LRRC4C: variants seen among roughly 807,000 people sequenced by gnomAD.
LRRC4C encodes the protein leucine-rich repeat-containing protein 4C.
LRRC4C carries 5 observed loss-of-function variants against 33.6 expected under a neutral mutation model. The observed-to-expected ratio is 0.15, with a 90% confidence interval of 0.08 to 0.31. LRRC4C has a LOEUF of 0.31. Among genes scored for constraint, LRRC4C ranks in the 10% least tolerant of loss-of-function variants. The probability of loss-of-function intolerance (pLI) is 1.00; values close to 1 mark genes in which losing one functional copy is unlikely to be tolerated. For synonymous variants in LRRC4C, 329 were observed against 302.0 expected, an observed-to-expected ratio of 1.09 and a Z score of -0.93; for missense variants, 560 against 796.7, an observed-to-expected ratio of 0.70 and a Z score of 3.58.
intron 6 of LRRC4C, among the ~76,000 whole-genome samples, chr11:40,120,648 C>G (rs999457223): frequency 6.6e-6 from 1 of 152,124 alleles, no homozygotes; most frequent in Non-Finnish European, 1.5e-5. Context: ...TTCTCCCATT[C>G]CCTACCCCAT....
chr11:41,211,181 G>T (rs1021269), intron 1 of LRRC4C, among the ~76,000 whole-genome samples: 1 of 152,100 alleles, frequency 6.6e-6, no homozygotes, highest in African/African-American at 2.4e-5. Context: ...ACTGGAGATG[G>T]TATTCTAATA....
intron 1 of LRRC4C, among the ~76,000 whole-genome samples, chr11:41,370,137 A>G (rs1952689837): frequency 6.6e-6 from 1 of 152,142 alleles, no homozygotes; most frequent in South Asian, 2.1e-4. Context: ...CTCATCTGGT[A>G]TAATTTTGAA....
At chr11:40,889,100 T>C (rs1271586307) in intron 2 of LRRC4C, among the ~76,000 whole-genome samples, 1 of 152,024 alleles carries the variant, frequency 6.6e-6, no homozygotes, top group Non-Finnish European at 1.5e-5. Flanking sequence ...GCTAATAAAA[T>C]AATTTAGAAT....
chr11:40,245,421 A>G (rs1866253312), intron 4 of LRRC4C, among the ~76,000 whole-genome samples: 1 of 152,182 alleles, frequency 6.6e-6, no homozygotes, highest in Non-Finnish European at 1.5e-5. Flanking sequence ...GCACTTAGTA[A>G]ACAGTCACTG....
chr11:40,419,919 T>A (rs1171609728), intron 3 of LRRC4C, among the ~76,000 whole-genome samples: 1 of 152,166 alleles, frequency 6.6e-6, no homozygotes, highest in Non-Finnish European at 1.5e-5. Context: ...AGATATTTGG[T>A]GAACTTCTGA....
At chr11:40,770,260 A>T (rs1001735384) in intron 2 of LRRC4C, among the ~76,000 whole-genome samples, 1 of 152,156 alleles carries the variant, frequency 6.6e-6, no homozygotes, top group Non-Finnish European at 1.5e-5. Context: ...ATGCTTTTTC[A>T]TATGGTGGCA....
intron 4 of LRRC4C, among the ~76,000 whole-genome samples, chr11:40,255,124 T>TA (rs1697165779): frequency 6.6e-6 from 1 of 152,098 alleles, no homozygotes; most frequent in Admixed American, 6.6e-5. Context: ...AATTTTCTGA[T>TA]AAATGCTTTG....
At chr11:40,340,957 ATATATTTCTG>A (rs1171854554) in intron 3 of LRRC4C, among the ~76,000 whole-genome samples, 1 of 152,170 alleles carries the variant, frequency 6.6e-6, no homozygotes. Flanking sequence ...CTCACAATCC[ATATATTTCTG>A]TTACATGTCA....
intron 1 of LRRC4C, among the ~76,000 whole-genome samples, chr11:41,030,091 C>T (rs1294049367): frequency 6.6e-6 from 1 of 151,774 alleles, no homozygotes; most frequent in Non-Finnish European, 1.5e-5. Flanking sequence ...ATTCAGTGCT[C>T]ATCTCTTTTT....
Position 40,928,446 on chromosome 11 carries a change from T to C in LRRC4C, c.-407+5189A>G, listed in dbSNP as rs557641951. Among the ~76,000 whole-genome samples the C allele has an allele frequency of 2.0e-5, 3 of 152,128 alleles. No homozygotes were observed. In the South Asian group the frequency reaches 6.2e-4, roughly 31 times the overall value. ...GCATCTTAGAATTGATGAAAGTTGC[T>C]AATTCACAATATGGGAGTAGTGGAA... is the stretch of plus-strand genomic sequence containing the variant. On this transcript the variant is annotated intron_variant, in intron 2 of 6. Coordinates refer to ENST00000528697, the MANE Select transcript of LRRC4C (RefSeq NM_001258419.2).
intron 4 of LRRC4C, among the ~76,000 whole-genome samples, chr11:40,244,735 T>C (rs538517950): frequency 6.7e-6 from 1 of 149,514 alleles, no homozygotes; most frequent in Non-Finnish European, 1.5e-5. Flanking sequence ...AGGGGAAGGT[T>C]TTTTTTTTGG....
rs199766180 is a variant in LRRC4C, at chr11:41,264,051, TTAC to T, written c.-496+195377_-496+195379del. 9.3e-3 allele frequency among the ~76,000 whole-genome samples: 1,422 copies of T among 152,106 alleles called. 8 individuals carry two copies. Among genetic ancestry groups the T allele is most frequent in the Non-Finnish European group, 0.014 (983 of 67,976 alleles). On this transcript the variant is annotated intron_variant, in intron 1 of 6. Transcript: ENST00000528697. ...AGTATAATACAAAAATTGCAAATGG[TTAC>T]TTTTATAGTTTTCAGATACATACAA...
intron 3 of LRRC4C, among the ~76,000 whole-genome samples, chr11:40,613,745 C>T (rs6485207): frequency 0.5 from 75,839 of 151,560 alleles, 19,340 homozygotes; most frequent in East Asian, 0.74. Flanking sequence ...AGGTATGTCT[C>T]AAAATTACTT....
intron 6 of LRRC4C, among the ~76,000 whole-genome samples, chr11:40,130,742 C>T (rs1437563176): frequency 2.0e-5 from 3 of 152,176 alleles, no homozygotes; most frequent in Non-Finnish European, 4.4e-5. Flanking sequence ...TGCCATTCTG[C>T]TTTCCCAGTT....
intron 1 of LRRC4C, among the ~76,000 whole-genome samples, chr11:41,194,623 A>G (rs1373429416): frequency 2.0e-5 from 3 of 152,112 alleles, no homozygotes; most frequent in Non-Finnish European, 4.4e-5. Context: ...AGCAAGAAGC[A>G]GAGGCCCCCA....
At chr11:40,340,665 T>C (rs1452932952) in intron 3 of LRRC4C, among the ~76,000 whole-genome samples, 1 of 152,168 alleles carries the variant, frequency 6.6e-6, no homozygotes, top group African/African-American at 2.4e-5. Context: ...TTATAGCTGT[T>C]TTACAAAAAT....
At chr11:41,403,548 A>C (rs939271288) in intron 1 of LRRC4C, among the ~76,000 whole-genome samples, 2 of 152,040 alleles carry the variant, frequency 1.3e-5, no homozygotes, top group Admixed American at 1.3e-4. Flanking sequence ...GTCCCAACAA[A>C]AGGAAATAAA....
intron 5 of LRRC4C, among the ~76,000 whole-genome samples, chr11:40,198,576 T>C (rs970741914): frequency 2.6e-5 from 4 of 152,228 alleles, no homozygotes; most frequent in Non-Finnish European, 5.9e-5. Flanking sequence ...AAGTCCATTT[T>C]GAAGCTCAAA....
At chr11:40,451,720 A>G (rs1401135823) in intron 3 of LRRC4C, among the ~76,000 whole-genome samples, 1 of 152,108 alleles carries the variant, frequency 6.6e-6, no homozygotes, top group Non-Finnish European at 1.5e-5. Flanking sequence ...GAACAACTGT[A>G]TGGTAACTAA....
Sources: allele counts gnomAD v4.1 joint callset (sites outside exome capture counted in the v4.1 genomes callset), GRCh38; gene constraint gnomAD v4.1.1; transcripts MANE v1.5; gene names NCBI Gene and HGNC (gene_info 2026-07-23, HGNC 2026-07-21).